The following STAU2 variants were observed in gnomAD, a reference collection of about 807,000 sequenced individuals.
STAU2 encodes the protein double-stranded RNA-binding protein Staufen homolog 2.
Under a neutral mutation model 65.9 loss-of-function variants are expected in STAU2, and 20 were observed. The ratio of observed to expected loss-of-function variants is 0.30; its 90% CI spans 0.21 to 0.44. The LOEUF (loss-of-function observed/expected upper bound fraction) is 0.44. Ranked by LOEUF, STAU2 falls within the 20% of genes least tolerant of loss-of-function variation. The probability of loss-of-function intolerance (pLI) is 1.00; values close to 1 mark genes in which losing one functional copy is unlikely to be tolerated. For synonymous variants in STAU2, 232 were observed against 233.9 expected (o/e 0.99, Z 0.07); for missense variants, 558 against 683.9 (o/e 0.82, Z 2.05).
At chr8:73,728,692 A>G (rs1805825310) in intron 3 of STAU2, among the ~76,000 whole-genome samples, 1 of 152,194 alleles carries the variant, frequency 6.6e-6, no homozygotes, top group Non-Finnish European at 1.5e-5. Context: ...ATGCTATTAT[A>G]AATGCAATCT....
intron 13 of STAU2, chr8:73,527,806 T>A (rs894990037): frequency 6.5e-7 from 1 of 1,534,548 alleles, no homozygotes; most frequent in Non-Finnish European, 8.7e-7. Context: ...GTAGTGAACC[T>A]ATAACAGAAC....
chr8:73,703,975 G>C (rs537266750), intron 4 of STAU2, among the ~76,000 whole-genome samples: 1 of 152,242 alleles, frequency 6.6e-6, no homozygotes, highest in African/African-American at 2.4e-5. Context: ...CATCTTTTTA[G>C]TATTTTCTCT....
intron 6 of STAU2, among the ~76,000 whole-genome samples, chr8:73,654,637 CAAAA>C (rs71269928): frequency 2.5e-3 from 65 of 26,306 alleles, no homozygotes; most frequent in South Asian, 0.01. Context: ...AAGATTGTCT[CAAAA>C]AAAAAAAAAA....
chr8:73,446,334 A>G (rs1387768340), intron 13 of STAU2, among the ~76,000 whole-genome samples: 2 of 152,238 alleles, frequency 1.3e-5, no homozygotes, highest in Admixed American at 6.5e-5. Context: ...GGAGAGCCTC[A>G]TGGTGACAGA....
At chr8:73,506,274 G>A (rs112863711) in intron 13 of STAU2, among the ~76,000 whole-genome samples, 41 of 152,258 alleles carry the variant, frequency 2.7e-4, no homozygotes, top group Middle Eastern at 3.4e-3. Flanking sequence ...CACGTATGCA[G>A]TGAGCCGTTG....
At chr8:73,522,646 T>C (rs899043567) in intron 13 of STAU2, among the ~76,000 whole-genome samples, 1 of 152,214 alleles carries the variant, frequency 6.6e-6, no homozygotes, top group South Asian at 2.1e-4. Context: ...AAGCTATGTT[T>C]TTGTTCTGGA....
Position 73,615,664 on chromosome 8 carries a change from C to T in STAU2, c.678+11G>A, listed in dbSNP as rs1420163984. 2.5e-6 allele frequency: 4 copies of T among 1,603,022 alleles called. No individual in the cohort carries two copies. Among genetic ancestry groups the T allele is most frequent in the South Asian group, 2.2e-5 (2 of 90,716 alleles). On this transcript the variant is annotated intron_variant, in intron 8 of 14. Coordinates refer to ENST00000524300, the MANE Select transcript of STAU2 (RefSeq NM_001164380.2). ...AGGGAAAAAATGGGAAGATCTCTAC[C>T]GAGTACATACCTCAAAACTGACAGG...
Position 73,738,326 on chromosome 8 carries a change from C to G in STAU2, c.-60G>C. 3 of 1,598,672 alleles carry G rather than the reference C, an allele frequency of 1.9e-6. No homozygotes were observed. The South Asian group carries it at 3.4e-5, about 18-fold the overall frequency. The stretch of plus-strand genomic sequence containing the variant: ...TGTTAAGACAATATTGACCAAACTG[C>G]TGTATCCCTCACGGCTCCAAAAACT... On this transcript the variant is annotated 5_prime_UTR_variant, in exon 3 of 15. Coordinates refer to ENST00000524300, the MANE Select transcript of STAU2 (RefSeq NM_001164380.2).
intron 13 of STAU2, among the ~76,000 whole-genome samples, chr8:73,502,935 G>A (rs922091911): frequency 3.3e-5 from 5 of 151,996 alleles, no homozygotes; most frequent in Non-Finnish European, 7.4e-5. Context: ...TCATAATTTT[G>A]TATTTGGATT....
intron 3 of STAU2, among the ~76,000 whole-genome samples, chr8:73,733,533 AG>A (rs1201946086): frequency 6.6e-6 from 1 of 152,230 alleles, no homozygotes; most frequent in Non-Finnish European, 1.5e-5. Flanking sequence ...CCCAGAAACC[AG>A]TATACTCCCG....
chr8:73,485,260 C>G (rs1233191986), intron 13 of STAU2, among the ~76,000 whole-genome samples: 1 of 149,142 alleles, frequency 6.7e-6, no homozygotes, highest in Non-Finnish European at 1.5e-5. Context: ...CTCACTGCAG[C>G]CTTGAACTCC....
chr8:73,593,939 C>A (rs1289789478), intron 11 of STAU2, among the ~76,000 whole-genome samples: 1 of 151,880 alleles, frequency 6.6e-6, no homozygotes, highest in Non-Finnish European at 1.5e-5. Flanking sequence ...AGAACCCTGA[C>A]TTATACAGTG....
At chr8:73,734,280 T>C (rs931361382) in intron 3 of STAU2, among the ~76,000 whole-genome samples, 3 of 145,192 alleles carry the variant, frequency 2.1e-5, no homozygotes, top group Non-Finnish European at 3.0e-5. Context: ...ACAGTAAGCA[T>C]AAGTTGCACA....
chr8:73,545,895 C>CCCA (rs1806885282), intron 13 of STAU2, among the ~76,000 whole-genome samples: 1 of 151,846 alleles, frequency 6.6e-6, no homozygotes, highest in Non-Finnish European at 1.5e-5. Flanking sequence ...GATCCGCCCG[C>CCCA]CTTGGCCTCC....
At chr8:73,449,949 A>C (rs1320596586) in intron 13 of STAU2, among the ~76,000 whole-genome samples, 1 of 152,086 alleles carries the variant, frequency 6.6e-6, no homozygotes, top group Non-Finnish European at 1.5e-5. Flanking sequence ...GCACTTCCCC[A>C]CCAGGGCTAC....
intron 13 of STAU2, among the ~76,000 whole-genome samples, chr8:73,522,504 A>C (rs1823093144): frequency 6.6e-6 from 1 of 152,228 alleles, no homozygotes; most frequent in Non-Finnish European, 1.5e-5. Flanking sequence ...CAAGTTCAAA[A>C]TTTCATAAGA....
intron 4 of STAU2, among the ~76,000 whole-genome samples, chr8:73,691,402 CA>C (rs1819313920): frequency 6.6e-6 from 1 of 152,136 alleles, no homozygotes; most frequent in Non-Finnish European, 1.5e-5. Context: ...TCTATAAACT[CA>C]GACTCAGTAT....
chr8:73,550,502 C>T (rs1312905960), intron 13 of STAU2: 1 of 986,396 alleles, frequency 1.0e-6, no homozygotes, highest in South Asian at 4.7e-5. Context: ...TGCAGTGTTA[C>T]TCTCAGACAT....
chr8:73,514,388 T>C (rs1335446291), intron 13 of STAU2, among the ~76,000 whole-genome samples: 1 of 152,216 alleles, frequency 6.6e-6, no homozygotes, highest in Admixed American at 6.5e-5. Flanking sequence ...GAAGAACGGC[T>C]CTTTGTTGCA....
Sources: gnomAD v4.1 joint callset for allele counts (sites outside exome capture counted in the v4.1 genomes callset) on GRCh38, gnomAD v4.1.1 for gene constraint, MANE v1.5 for transcripts, NCBI Gene and HGNC (gene_info 2026-07-23, HGNC 2026-07-21) for gene names.